HIVEP3: variants seen among roughly 807,000 people sequenced by gnomAD.
HIVEP3 encodes HIVEP zinc finger 3, also known as transcription factor HIVEP3.
In HIVEP3, 49 loss-of-function variants were observed where a neutral mutation model predicts 152.8. That is an observed-to-expected ratio of 0.32 (90% confidence interval 0.26 to 0.41). The LOEUF (loss-of-function observed/expected upper bound fraction) is 0.41, where lower values mean the gene tolerates loss of function less well. Ranked by LOEUF, HIVEP3 falls within the 10% of genes least tolerant of loss-of-function variation. HIVEP3 has a pLI of 1.00. For missense variants in HIVEP3, 2,790 were observed against 3,103.3 expected (o/e 0.90, Z 2.40); for synonymous variants, 1,269 against 1,289.0 (o/e 0.98, Z 0.33).
chr1:41,555,711 G>A lies in HIVEP3; in HGVS notation c.5207+19833C>T, dbSNP rs139461908. ...GTTGTGCAACCATTACCACCATCCA[G>A]CTCCACGACTGTCCAGCTCCAGAAA... is the stretch of plus-strand genomic sequence containing the variant. On this transcript the variant is annotated intron_variant, in intron 5 of 8. Coordinates refer to ENST00000372583, the MANE Select transcript of HIVEP3 (RefSeq NM_024503.5). Among the ~76,000 whole-genome samples, 593 of 152,284 alleles carry A rather than the reference G, an allele frequency of 3.9e-3. 3 individuals are homozygous for A. Among genetic ancestry groups the A allele is most frequent in the Non-Finnish European group, 6.0e-3 (408 of 68,026 alleles).
intron 3 of HIVEP3, among the ~76,000 whole-genome samples, chr1:41,595,000 C>G (rs569972606): frequency 6.6e-6 from 1 of 152,222 alleles, no homozygotes; most frequent in East Asian, 1.9e-4. Flanking sequence ...ACCTCCCCAC[C>G]TCTGAAATGT....
chr1:41,592,842 G>T (rs767193865), intron 3 of HIVEP3, among the ~76,000 whole-genome samples: 2 of 152,214 alleles, frequency 1.3e-5, no homozygotes, highest in Non-Finnish European at 2.9e-5. Flanking sequence ...GTTCTGTGCA[G>T]AGAAAACTAC....
intron 1 of HIVEP3, among the ~76,000 whole-genome samples, chr1:41,893,866 AT>A (rs1360300225): frequency 1.4e-5 from 2 of 147,280 alleles, no homozygotes; most frequent in African/African-American, 4.9e-5. Flanking sequence ...AAAAAATTAT[AT>A]ATTATATATT....
intron 1 of HIVEP3, among the ~76,000 whole-genome samples, chr1:41,959,145 C>T (rs1290113321): frequency 3.3e-5 from 5 of 152,194 alleles, no homozygotes; most frequent in Non-Finnish European, 7.3e-5. Context: ...TGAAGATGAT[C>T]TAGCTCCTGA....
At position 41,580,046 on chromosome 1, in the gene HIVEP3, T is replaced by C. The variant is rs202234290; in HGVS notation, c.4752A>G (p.Gln1584=). 1 of 1,614,204 alleles carries C rather than the reference T, an allele frequency of 6.2e-7. No individual in the cohort carries two copies. ...SETSSRPAKS[Q]EGTDSKKVLQ... ...GTACCTTCTTTGAGTCCGTACCTTC[T>C]TGTGACTTGGCTGGTCTGGAGGACG... The change falls in exon 4 of 9, where the codon CAA becomes CAG. Residue 1584 remains glutamine (Q), a synonymous_variant. Coordinates refer to ENST00000372583, the MANE Select transcript of HIVEP3 (RefSeq NM_024503.5).
rs1644124315 is a variant in HIVEP3, at chr1:41,873,914, T to C, written c.-801+44499A>G. Among the ~76,000 whole-genome samples, 1 of 152,236 alleles carries C rather than the reference T, an allele frequency of 6.6e-6. No individual in the cohort carries two copies. Reference sequence around the variant, plus strand: ...GCAACTGGCCCAGGCAGCCTTGTACTTGCTTCATTCTGGGGTCAGGAAGAA... The same window carrying C: ...GCAACTGGCCCAGGCAGCCTTGTACCTGCTTCATTCTGGGGTCAGGAAGAA... On this transcript the variant is annotated intron_variant, in intron 1 of 8. Coordinates refer to ENST00000372583, the MANE Select transcript of HIVEP3 (RefSeq NM_024503.5). The surrounding 1 kb of genome is among the most constrained non-coding windows in gnomAD (Gnocchi z 4.2).
chr1:41,996,977 T>C (rs1396377018), intron 1 of HIVEP3, among the ~76,000 whole-genome samples: 1 of 152,204 alleles, frequency 6.6e-6, no homozygotes, highest in Non-Finnish European at 1.5e-5. Context: ...ATGAGGACCC[T>C]TGTGACTACA....
At position 41,580,132 on chromosome 1, in the gene HIVEP3, A is replaced by C. The variant is rs746321796; in HGVS notation, c.4666T>G (p.Ser1556Ala). 3.1e-6 allele frequency: 5 copies of C among 1,613,990 alleles called. No individual in the cohort carries two copies. Among genetic ancestry groups the C allele is most frequent in the Non-Finnish European group, 4.2e-6 (5 of 1,179,942 alleles). The change falls in exon 4 of 9, where the codon TCC (serine) becomes GCC (alanine). Residue 1556 changes from serine (S) to alanine (A), a missense_variant. Physicochemically the swap from Ser to Ala is moderately conservative, Grantham distance 99 (BLOSUM62 1). Transcript: ENST00000372583. ...GAGGGGAGATCAGGTTGTTCCTTGG[A>C]ATCTTCTTTCTTCACGCTCAGTGGG... Reference protein sequence around the residue: ...LTPLSVKKEDSKEQPDLPSLA... With the variant: ...LTPLSVKKEDAKEQPDLPSLA...
At chr1:41,689,270 A>C (rs2124105445) in intron 2 of HIVEP3, among the ~76,000 whole-genome samples, 1 of 152,192 alleles carries the variant, frequency 6.6e-6, no homozygotes, top group East Asian at 1.9e-4. Context: ...GTAGGGTCCC[A>C]CCTTTCACTG....
chr1:41,639,086 A>G (rs1645332454), intron 2 of HIVEP3, among the ~76,000 whole-genome samples: 1 of 152,226 alleles, frequency 6.6e-6, no homozygotes, highest in Admixed American at 6.5e-5. Flanking sequence ...GGGCCGGCAC[A>G]TGGAAAGTCA....
At chr1:41,603,097 C>T (rs901690270) in intron 3 of HIVEP3, among the ~76,000 whole-genome samples, 6 of 151,960 alleles carry the variant, frequency 3.9e-5, no homozygotes, top group Non-Finnish European at 5.9e-5. Context: ...GACTGAGTCT[C>T]GCCCTGTCAC....
intron 1 of HIVEP3, among the ~76,000 whole-genome samples, chr1:41,954,930 A>G (rs1645131958): frequency 6.6e-6 from 1 of 150,490 alleles, no homozygotes; most frequent in Admixed American, 6.6e-5. Context: ...ATCCATTGTT[A>G]TTATTCTTTA....
chr1:41,622,560 T>C (rs1192844641), intron 3 of HIVEP3, among the ~76,000 whole-genome samples: 4 of 152,206 alleles, frequency 2.6e-5, no homozygotes, highest in African/African-American at 9.7e-5. Context: ...ACATATTATC[T>C]GTGGTTGCTT....
chr1:41,900,055 GA>G (rs955804398), intron 1 of HIVEP3, among the ~76,000 whole-genome samples: 4 of 150,522 alleles, frequency 2.7e-5, no homozygotes, highest in Admixed American at 6.6e-5. Context: ...ATTCTGAAGG[GA>G]AAAAAAAATA....
intron 1 of HIVEP3, among the ~76,000 whole-genome samples, chr1:41,879,860 A>G (rs1644233401): frequency 6.6e-6 from 1 of 152,200 alleles, no homozygotes; most frequent in Admixed American, 6.5e-5. Context: ...GGTAGTTACT[A>G]GAAGAAACAG....
At chr1:41,691,603 A>G (rs1181580036) in intron 2 of HIVEP3, among the ~76,000 whole-genome samples, 2 of 152,208 alleles carry the variant, frequency 1.3e-5, no homozygotes, top group Non-Finnish European at 2.9e-5. Context: ...ACACCTATGA[A>G]TCAGACAGTA....
At chr1:41,855,495 A>T (rs1167803079) in intron 1 of HIVEP3, among the ~76,000 whole-genome samples, 1 of 152,138 alleles carries the variant, frequency 6.6e-6, no homozygotes, top group African/African-American at 2.4e-5. Flanking sequence ...GAACTCAAAC[A>T]AATTTACAAG....
chr1:41,734,032 C>T (rs2124191628), intron 1 of HIVEP3, among the ~76,000 whole-genome samples: 1 of 152,258 alleles, frequency 6.6e-6, no homozygotes, highest in Non-Finnish European at 1.5e-5. Flanking sequence ...AGGTGCAACT[C>T]AGCCCTCACC....
chr1:41,738,934 GA>G (rs1646956948), intron 1 of HIVEP3, among the ~76,000 whole-genome samples: 1 of 152,196 alleles, frequency 6.6e-6, no homozygotes, highest in Non-Finnish European at 1.5e-5. Context: ...CGTTGGTAAT[GA>G]ACCATGGCGC....
Sources: allele counts gnomAD v4.1 joint callset (sites outside exome capture counted in the v4.1 genomes callset), GRCh38; gene constraint gnomAD v4.1.1; non-coding constraint Gnocchi (gnomAD v3.1); transcripts MANE v1.5; gene names NCBI Gene and HGNC (gene_info 2026-07-23, HGNC 2026-07-21).